The following HS6ST3 variants were observed in gnomAD, a reference collection of about 807,000 sequenced individuals.
HS6ST3 encodes heparan sulfate 6-O-sulfotransferase 3.
A neutral mutation model predicts 36.7 loss-of-function variants in HS6ST3; 12 were observed. The ratio of observed to expected loss-of-function variants is 0.33; its 90% CI spans 0.21 to 0.53. The LOEUF (loss-of-function observed/expected upper bound fraction) is 0.53. Among genes scored for constraint, HS6ST3 ranks in the 20% least tolerant of loss-of-function variants. The probability of loss-of-function intolerance (pLI) is 0.95; values close to 1 mark genes in which losing one functional copy is unlikely to be tolerated. For synonymous variants in HS6ST3, 240 were observed against 257.5 expected, an observed-to-expected ratio of 0.93 and a Z score of 0.65; for missense variants, 584 against 640.9, an observed-to-expected ratio of 0.91 and a Z score of 0.96.
chr13:96,432,101 A>T (rs913563311), intron 1 of HS6ST3, among the ~76,000 whole-genome samples: 4 of 152,132 alleles, frequency 2.6e-5, no homozygotes, highest in Admixed American at 1.3e-4. Context: ...GGAAACTTCC[A>T]TTTCTTTTTG....
intron 1 of HS6ST3, among the ~76,000 whole-genome samples, chr13:96,745,110 G>T (rs1375083845): frequency 1.3e-5 from 2 of 152,022 alleles, no homozygotes; most frequent in Non-Finnish European, 2.9e-5. Flanking sequence ...CCTCTTAAGT[G>T]CAAAGATCAC....
At chr13:96,664,818 C>T (rs1405455128) in intron 1 of HS6ST3, among the ~76,000 whole-genome samples, 2 of 152,130 alleles carry the variant, frequency 1.3e-5, no homozygotes, top group Non-Finnish European at 2.9e-5. Flanking sequence ...CTTATAATAA[C>T]TCTACTGTAT....
At position 96,426,910 on chromosome 13, in the gene HS6ST3, T is replaced by C. The variant is rs534331679; in HGVS notation, c.707+335341T>C. Among the ~76,000 whole-genome samples, 49 of 152,336 alleles carry C rather than the reference T, an allele frequency of 3.2e-4. No homozygotes were observed. The East Asian group carries it at 8.1e-3, about 25-fold the overall frequency. On this transcript the variant is annotated intron_variant, in intron 1 of 1. Transcript: ENST00000376705. Reference sequence around the variant, plus strand: ...TTGCAAGGGTTTTAGTTCTGTTCTGTATAACATTAACATTGATAAACTAGT... The same window carrying C: ...TTGCAAGGGTTTTAGTTCTGTTCTGCATAACATTAACATTGATAAACTAGT...
chr13:96,294,089 G>A (rs1387809583), intron 1 of HS6ST3, among the ~76,000 whole-genome samples: 1 of 152,052 alleles, frequency 6.6e-6, no homozygotes, highest in Admixed American at 6.6e-5. Flanking sequence ...ATTTGGTAAA[G>A]CTGTTATTGG....
At chr13:96,609,359 G>C (rs1298677046) in intron 1 of HS6ST3, among the ~76,000 whole-genome samples, 1 of 152,142 alleles carries the variant, frequency 6.6e-6, no homozygotes, top group Non-Finnish European at 1.5e-5. Context: ...ATTATAAAGA[G>C]AGGTTTTCTC....
chr13:96,491,731 C>T (rs1385856676), intron 1 of HS6ST3, among the ~76,000 whole-genome samples: 1 of 152,158 alleles, frequency 6.6e-6, no homozygotes, highest in East Asian at 1.9e-4. Context: ...ATACACATGG[C>T]CTCTTCCAGT....
chr13:96,752,914 A>G (rs907672375), intron 1 of HS6ST3, among the ~76,000 whole-genome samples: 5 of 152,218 alleles, frequency 3.3e-5, no homozygotes, highest in African/African-American at 9.6e-5. Flanking sequence ...ATTGCCTTTC[A>G]TATTTAACAC....
At chr13:96,339,846 G>A (rs1350923295) in intron 1 of HS6ST3, among the ~76,000 whole-genome samples, 1 of 152,194 alleles carries the variant, frequency 6.6e-6, no homozygotes, top group Non-Finnish European at 1.5e-5. Flanking sequence ...CAGTGGAAAA[G>A]GAAGGTGCTC....
At chr13:96,251,712 A>T (rs984901962) in intron 1 of HS6ST3, among the ~76,000 whole-genome samples, 1 of 152,004 alleles carries the variant, frequency 6.6e-6, no homozygotes, top group Non-Finnish European at 1.5e-5. Flanking sequence ...CCTTGTTAGA[A>T]TGACTTTTCT....
At chr13:96,346,705 C>T (rs1249369104) in intron 1 of HS6ST3, among the ~76,000 whole-genome samples, 4 of 152,116 alleles carry the variant, frequency 2.6e-5, no homozygotes, top group Admixed American at 2.6e-4. Context: ...CTGAGACACA[C>T]TAATGGTGGC....
intron 1 of HS6ST3, among the ~76,000 whole-genome samples, chr13:96,741,673 G>A (rs181193392): frequency 6.6e-6 from 1 of 152,236 alleles, no homozygotes; most frequent in East Asian, 1.9e-4. Flanking sequence ...TTTACCCTGT[G>A]ACTTTAATAC....
chr13:96,697,115 C>T (rs927476276), intron 1 of HS6ST3, among the ~76,000 whole-genome samples: 1 of 150,972 alleles, frequency 6.6e-6, no homozygotes, highest in Non-Finnish European at 1.5e-5. Context: ...ATGCCATGAA[C>T]AAGAGAGACA....
rs67305199 is a variant in HS6ST3, at chr13:96,464,138, CAAAAAAAAAA to C, written c.708-368338_708-368329del. On this transcript the variant is annotated intron_variant, in intron 1 of 1. Coordinates refer to ENST00000376705, the MANE Select transcript of HS6ST3 (RefSeq NM_153456.4). ...TCCTCAGGAAAGGACTGTCAGGCCT[CAAAAAAAAAA>C]AAAAAAAAAAAAATCAAAGATCTGA... 1.3e-4 allele frequency among the ~76,000 whole-genome samples: 5 copies of C among 38,790 alleles called. No individual in the cohort carries two copies. The East Asian group carries it at 4.3e-3, about 33-fold the overall frequency. The allele number at this position is 38,790 out of a possible 152,430, so 25.4% of individuals were successfully genotyped here.
intron 1 of HS6ST3, among the ~76,000 whole-genome samples, chr13:96,583,631 C>T (rs2056350344): frequency 6.6e-6 from 1 of 152,146 alleles, no homozygotes; most frequent in Non-Finnish European, 1.5e-5. Context: ...TTAAGTTTAG[C>T]TCCTTTACCC....
At chr13:96,706,586 CT>C (rs1875434383) in intron 1 of HS6ST3, among the ~76,000 whole-genome samples, 1 of 151,594 alleles carries the variant, frequency 6.6e-6, no homozygotes, top group Non-Finnish European at 1.5e-5. Flanking sequence ...AATTGCAGGG[CT>C]TTTGTTTTGT....
chr13:96,195,711 G>A (rs909406993), intron 1 of HS6ST3, among the ~76,000 whole-genome samples: 2 of 152,148 alleles, frequency 1.3e-5, no homozygotes, highest in African/African-American at 2.4e-5. Context: ...TACCTGAGAC[G>A]CATTGCTTGG....
chr13:96,534,375 T>C (rs772525960), intron 1 of HS6ST3, among the ~76,000 whole-genome samples: 11 of 152,340 alleles, frequency 7.2e-5, no homozygotes, highest in Admixed American at 1.3e-4. Context: ...ACCCACTTCT[T>C]TGAAATTCAG....
chr13:96,317,351 TA>T (rs1566322026), intron 1 of HS6ST3, among the ~76,000 whole-genome samples: 916 of 26,888 alleles, frequency 0.034, 17 homozygotes, highest in Middle Eastern at 0.08. Flanking sequence ...TATATATATA[TA>T]TATATATATA....
rs113151063 is a variant in HS6ST3 at position 96,724,802 on chromosome 13, C to T, written c.708-107688C>T. On this transcript the variant is annotated intron_variant, in intron 1 of 1. Transcript: ENST00000376705. ...GATAATTTGGTTGTTCTCAATCTTG[C>T]GATATTATAAATAAAGTGGCTAAGA... is the stretch of plus-strand genomic sequence containing the variant. Among the ~76,000 whole-genome samples the T allele has an allele frequency of 1.2e-4, 19 of 152,110 alleles. No homozygotes were observed. The East Asian group carries it at 1.5e-3, about 12-fold the overall frequency.
Sources: gnomAD v4.1 joint callset for allele counts (sites outside exome capture counted in the v4.1 genomes callset) on GRCh38, gnomAD v4.1.1 for gene constraint, MANE v1.5 for transcripts, NCBI Gene and HGNC (gene_info 2026-07-23, HGNC 2026-07-21) for gene names.